Variants in RTL9 observed in about 807,000 individuals in gnomAD.
RTL9 encodes retrotransposon Gag like 9, also known as retrotransposon Gag-like protein 9.
RTL9 carries 19 observed loss-of-function variants against 44.7 expected under a neutral mutation model. The ratio of observed to expected loss-of-function variants is 0.42; its 90% CI spans 0.30 to 0.62. RTL9 has a LOEUF of 0.62. Ranked by LOEUF, RTL9 falls within the 20% of genes least tolerant of loss-of-function variation. RTL9 has a pLI of 0.16. For missense variants in RTL9, 1,105 were observed against 1,080.6 expected, an observed-to-expected ratio of 1.02 and a Z score of -0.32; for synonymous variants, 407 against 398.9, an observed-to-expected ratio of 1.02 and a Z score of -0.24.
chrX:110,452,503 C>T (rs369078833), exon 1 of RTL9: 17 of 1,209,752 alleles, frequency 1.4e-5, no homozygotes, highest in African/African-American at 7.0e-5. Context: ...ACGATGTTCA[C>T]GGAGAAAATG....
intron 1 of RTL9, among the ~76,000 whole-genome samples, chrX:110,406,576 T>C (rs1378781914): frequency 8.9e-6 from 1 of 112,126 alleles, no homozygotes; most frequent in Non-Finnish European, 1.9e-5. Flanking sequence ...TAGGTGGGCA[T>C]GTGTCTTTAT....
chrX:110,427,503 A>G (rs2068762648), intron 1 of RTL9, among the ~76,000 whole-genome samples: 1 of 112,045 alleles, frequency 8.9e-6, no homozygotes, highest in African/African-American at 3.3e-5. Context: ...AAATTTGAGA[A>G]CTGGCACCCT....
rs767436766 is a variant in RTL9 at position 110,421,687 on chromosome X, A to G, written c.-168+2552A>G. ...CCAATTTGTCTATTTCAACTCATCG[A>G]TCCTCTTCTTCCACTGGCATGCTAG... is the stretch of plus-strand genomic sequence containing the variant. On this transcript the variant is annotated intron_variant, in intron 1 of 3. Coordinates refer to the RTL9 transcript ENST00000465301. Among the ~76,000 whole-genome samples the G allele has an allele frequency of 3.5e-5, 4 of 112,877 alleles. No homozygotes were observed. The South Asian group carries it at 1.5e-3, about 41-fold the overall frequency.
At chrX:110,401,541 G>T (rs1448770327) in intron 1 of RTL9, among the ~76,000 whole-genome samples, 5 of 111,777 alleles carry the variant, frequency 4.5e-5, no homozygotes, top group African/African-American at 1.6e-4. Context: ...CTTAGGAGCA[G>T]GTAGCTCCCA....
At chrX:110,452,621 A>T in exon 1 of RTL9, 1 of 1,210,305 alleles carries the variant, frequency 8.3e-7, no homozygotes, top group Non-Finnish European at 1.1e-6. Context: ...GGTTGTCTGC[A>T]TCGCTAATGA....
rs2068570590 is a variant in RTL9, at chrX:110,402,299, G to C, written c.-167-42854G>C. Among the ~76,000 whole-genome samples, 4 of 113,132 alleles carry C rather than the reference G, an allele frequency of 3.5e-5. No individual in the cohort carries two copies. The Admixed American group carries it at 3.7e-4, about 10-fold the overall frequency. ...AAATATTTGTTTTTTGCCTATGAGT[G>C]ATGCCAGAAACCGTCATGGTCGGCA... On this transcript the variant is annotated intron_variant, in intron 1 of 2. Transcript: ENST00000520821.
rs2068318905 is a variant in RTL9, at chrX:110,369,129, G to A, written c.-168+10213G>A. Reference sequence around the variant, plus strand: ...GGGCAGATCAGGAAGTCAGGGAATTGAGACCATCCTGGCTAACACAGTGAA... The same window carrying A: ...GGGCAGATCAGGAAGTCAGGGAATTAAGACCATCCTGGCTAACACAGTGAA... On this transcript the variant is annotated intron_variant, in intron 1 of 2. Coordinates refer to the RTL9 transcript ENST00000520821. 6.3e-5 allele frequency among the ~76,000 whole-genome samples: 7 copies of A among 111,728 alleles called. No individual in the cohort carries two copies. In the South Asian group the frequency reaches 2.7e-3, roughly 42 times the overall value.
chrX:110,404,262 C>T (rs1201835160), intron 1 of RTL9, among the ~76,000 whole-genome samples: 2 of 111,686 alleles, frequency 1.8e-5, no homozygotes, highest in South Asian at 7.6e-4. Flanking sequence ...TTTCCAATCC[C>T]TTAATCGTCT....
intron 1 of RTL9, among the ~76,000 whole-genome samples, chrX:110,400,900 C>T (rs1167481106): frequency 8.9e-6 from 1 of 111,868 alleles, no homozygotes; most frequent in East Asian, 2.8e-4. Flanking sequence ...CCCAGTTCTT[C>T]GTCATCTTTA....
At chrX:110,391,452 C>A (rs1490858085) in intron 1 of RTL9, among the ~76,000 whole-genome samples, 2 of 111,667 alleles carry the variant, frequency 1.8e-5, no homozygotes, top group Non-Finnish European at 3.8e-5. Flanking sequence ...TTTCTCTTCC[C>A]CTTTCTATGA....
intron 1 of RTL9, 138 bp downstream of exon 3, chrX:110,454,802 G>A (rs930718963): frequency 1.9e-5 from 10 of 539,075 alleles, no homozygotes; most frequent in Non-Finnish European, 2.1e-5. Context: ...TTAAACCCCA[G>A]CAGTTTCATC....
At chrX:110,369,900 T>C (rs142268303) in intron 1 of RTL9, among the ~76,000 whole-genome samples, 2,113 of 111,611 alleles carry the variant, frequency 0.019, 14 homozygotes, top group Non-Finnish European at 0.028. Context: ...AATGGGTCTA[T>C]GAATCTCCTG....
At chrX:110,377,282 C>T (rs1344258546) in intron 1 of RTL9, among the ~76,000 whole-genome samples, 6 of 111,695 alleles carry the variant, frequency 5.4e-5, no homozygotes, top group Non-Finnish European at 1.1e-4. Context: ...TAGCAACAAT[C>T]TTAATATCTT....
rs1337441250 is a variant in RTL9 at position 110,358,946 on chromosome X, A to C, written c.-168+30A>C. On this transcript the variant is annotated intron_variant, in intron 1 of 2. Transcript: ENST00000520821. The stretch of plus-strand genomic sequence containing the variant: ...GGAGAAGATTATTATTTTATCTAAC[A>C]CGTTCTTCTATAACGCTCTATATGC... 1.7e-4 allele frequency: 19 copies of C among 111,468 alleles called. No individual in the cohort carries two copies. In the Admixed American group the frequency reaches 1.8e-3, roughly 11 times the overall value. The allele number at this position is 111,468 out of a possible 1,213,427, so 9.2% of individuals were successfully genotyped here.
intron 1 of RTL9, among the ~76,000 whole-genome samples, chrX:110,422,158 T>C (rs142249885): frequency 1.8e-5 from 2 of 112,953 alleles, no homozygotes; most frequent in East Asian, 5.5e-4. Context: ...TGGTAGCTGT[T>C]GTCTCTTTTT....
chrX:110,409,129 C>A (rs2068623465), intron 1 of RTL9, among the ~76,000 whole-genome samples: 1 of 111,181 alleles, frequency 9.0e-6, no homozygotes, highest in Admixed American at 9.5e-5. Flanking sequence ...AAGCACACAG[C>A]TGGAGTCAGG....
chrX:110,361,662 T>C (rs2068264465), intron 1 of RTL9, among the ~76,000 whole-genome samples: 1 of 112,320 alleles, frequency 8.9e-6, no homozygotes, highest in Non-Finnish European at 1.9e-5. Flanking sequence ...CCATATTTAG[T>C]ATTGCAAGCG....
chrX:110,376,870 T>C (rs1213014656), intron 1 of RTL9, among the ~76,000 whole-genome samples: 3 of 112,169 alleles, frequency 2.7e-5, no homozygotes, highest in African/African-American at 6.5e-5. Flanking sequence ...AACTGTTGGA[T>C]GTGTTTATAA....
At position 110,450,642 on chromosome X, in the gene RTL9, C is replaced by T; in HGVS notation, c.25C>T (p.Arg9Ter). The T allele has an allele frequency of 1.7e-6, 2 of 1,210,253 alleles. No homozygotes were observed. Among genetic ancestry groups the T allele is most frequent in the East Asian group, 3.0e-5 (1 of 33,796 alleles). ...TATGTCAATACCCTTACATTCACTG[C>T]GATTCAACAATACAATGAGGGAGGA... The change falls in exon 1 of 2, where the codon CGA (arginine) becomes TGA (stop). Residue 9 changes from arginine to a stop codon, truncating the protein, a stop_gained. Coordinates refer to ENST00000540313, the Ensembl canonical transcript of RTL9. LOFTEE classifies it high-confidence loss of function.
Sources: gnomAD v4.1 joint callset for allele counts (sites outside exome capture counted in the v4.1 genomes callset) on GRCh38, gnomAD v4.1.1 for gene constraint, MANE v1.5 for transcripts, NCBI Gene and HGNC (gene_info 2026-07-23, HGNC 2026-07-21) for gene names.